The following QKI variants were observed in gnomAD, a reference collection of about 807,000 sequenced individuals.
QKI encodes QKI, KH domain containing RNA binding, also known as KH domain-containing RNA-binding protein QKI.
Under a neutral mutation model 39.0 loss-of-function variants are expected in QKI, and 10 were observed. The observed-to-expected ratio is 0.26, with a 90% CI of 0.16 to 0.43. QKI has a LOEUF of 0.43. Among genes scored for constraint, QKI ranks in the 20% least tolerant of loss-of-function variants. The pLI is 1.00. For missense variants in QKI, 218 were observed against 428.0 expected (o/e 0.51, Z 4.33); for synonymous variants, 204 against 155.4 (o/e 1.31, Z -2.33).
intron 2 of QKI, among the ~76,000 whole-genome samples, chr6:163,475,104 T>A (rs1792488481): frequency 6.6e-6 from 1 of 152,124 alleles, no homozygotes; most frequent in Non-Finnish European, 1.5e-5. Flanking sequence ...AAGCCACTCT[T>A]GAGGAAGAGC....
At chr6:163,463,665 A>G (rs868678738) in intron 2 of QKI, among the ~76,000 whole-genome samples, 1 of 152,216 alleles carries the variant, frequency 6.6e-6, no homozygotes, top group African/African-American at 2.4e-5. Flanking sequence ...CGTGAGGAAG[A>G]TAGATTATCA....
At chr6:163,477,998 T>C (rs575306623) in intron 2 of QKI, among the ~76,000 whole-genome samples, 1 of 152,366 alleles carries the variant, frequency 6.6e-6, no homozygotes, top group Non-Finnish European at 1.5e-5. Flanking sequence ...CAAACTCTTA[T>C]ATTTTGGCCT....
At chr6:163,553,249 G>A (rs1411143818) in intron 4 of QKI, among the ~76,000 whole-genome samples, 5 of 151,770 alleles carry the variant, frequency 3.3e-5, no homozygotes, top group East Asian at 1.9e-4. Flanking sequence ...GATTACAGGC[G>A]TGCACCACCA....
intron 3 of QKI, among the ~76,000 whole-genome samples, chr6:163,486,597 A>G (rs1302264277): frequency 1.3e-5 from 2 of 152,192 alleles, no homozygotes; most frequent in African/African-American, 4.8e-5. Context: ...CTTAAAATAT[A>G]TTTTAATTGG....
chr6:163,472,064 C>A (rs1391554390), intron 2 of QKI, among the ~76,000 whole-genome samples: 1 of 152,062 alleles, frequency 6.6e-6, no homozygotes, highest in Non-Finnish European at 1.5e-5. Flanking sequence ...GGCACTGACT[C>A]CCTTTGCGGT....
rs551849808 is a variant in QKI, at chr6:163,576,780, C to T, written c.*6070C>T. The T allele has an allele frequency of 2.0e-5, 3 of 152,066 alleles. No individual in the cohort carries two copies. The allele number at this position is 152,066 out of a possible 1,614,324, so 9.4% of individuals were successfully genotyped here. On this transcript the variant is annotated 3_prime_UTR_variant, in exon 8 of 8. Transcript: ENST00000361752. Reference sequence around the variant, plus strand: ...TATGAGAATAAAGAACGCACACTTTCAATTTTATTGAGGCTTTCAACACTA... The same window carrying T: ...TATGAGAATAAAGAACGCACACTTTTAATTTTATTGAGGCTTTCAACACTA...
intron 1 of QKI, among the ~76,000 whole-genome samples, chr6:163,421,228 AG>A (rs1387582560): frequency 1.3e-5 from 2 of 152,250 alleles, no homozygotes. Context: ...TGTTATTTGT[AG>A]TACTTGCTGC....
intron 3 of QKI, among the ~76,000 whole-genome samples, chr6:163,527,787 G>C (rs1780607345): frequency 6.6e-6 from 1 of 152,024 alleles, no homozygotes; most frequent in Admixed American, 6.6e-5. Context: ...ATTGAAAAGT[G>C]GTAAAATTTA....
intron 1 of QKI, among the ~76,000 whole-genome samples, chr6:163,428,453 G>T (rs964930192): frequency 6.6e-6 from 1 of 152,096 alleles, no homozygotes; most frequent in African/African-American, 2.4e-5. Flanking sequence ...AGAAGAAAAT[G>T]TGTCATAGTT....
chr6:163,432,418 A>G (rs1788906136), intron 1 of QKI, among the ~76,000 whole-genome samples: 3 of 146,172 alleles, frequency 2.1e-5, no homozygotes, highest in Non-Finnish European at 3.0e-5. Flanking sequence ...TTTTAAAGAG[A>G]TGGGGTTTCA....
At chr6:163,456,708 CAAAT>C (rs1376151591) in intron 2 of QKI, among the ~76,000 whole-genome samples, 1 of 151,906 alleles carries the variant, frequency 6.6e-6, no homozygotes, top group East Asian at 1.9e-4. Context: ...TGCAAATACA[CAAAT>C]AGTCTTGGAT....
intron 1 of QKI, among the ~76,000 whole-genome samples, chr6:163,433,740 C>A (rs767735242): frequency 2.0e-5 from 3 of 152,118 alleles, no homozygotes; most frequent in African/African-American, 7.2e-5. Flanking sequence ...GCACTCCAGC[C>A]TGGGCAACAG....
In QKI at chr6:163,578,327, G is replaced by A. The variant is rs1303927316; in HGVS notation, c.*7617G>A. 1 of 152,150 alleles carries A rather than the reference G, an allele frequency of 6.6e-6. No homozygotes were observed. Among genetic ancestry groups the A allele is most frequent in the East Asian group, 1.9e-4 (1 of 5,198 alleles). 9.4% of individuals were successfully genotyped at this position (152,150 alleles called of 1,614,324 possible). A position where few individuals can be genotyped will look rare whatever the true frequency, so the allele number is the denominator to read the frequency against. ...CAGAACTATTTGAGTTGATACTAAA[G>A]ATTTTATGTTCACTCCTTTACCTTA... On this transcript the variant is annotated 3_prime_UTR_variant, in exon 8 of 8. Coordinates refer to ENST00000361752, the MANE Select transcript of QKI (RefSeq NM_006775.3).
intron 3 of QKI, among the ~76,000 whole-genome samples, chr6:163,507,978 AAAAG>A (rs1779204904): frequency 1.3e-5 from 2 of 152,198 alleles, no homozygotes; most frequent in East Asian, 3.8e-4. Context: ...TAGAAGCAAA[AAAAG>A]GAACCAATGG....
chr6:163,439,353 TTC>T lies in QKI; in HGVS notation c.143-15925_143-15924del, dbSNP rs1789564796. ...TGGTTTTTTTTTGTTTTTTTTTTTT[TTC>T]GGGGGGGTGGGGGACGGAGTCTCAC... On this transcript the variant is annotated intron_variant, in intron 1 of 7. Coordinates refer to ENST00000361752, the MANE Select transcript of QKI (RefSeq NM_006775.3). 3.4e-4 allele frequency among the ~76,000 whole-genome samples: 49 copies of T among 145,478 alleles called. 1 individual carries two copies. Among genetic ancestry groups the T allele is most frequent in the African/African-American group, 1.3e-3 (47 of 37,544 alleles).
At chr6:163,450,466 AGCTGAG>A (rs1790476018) in intron 1 of QKI, among the ~76,000 whole-genome samples, 1 of 152,222 alleles carries the variant, frequency 6.6e-6, no homozygotes, top group African/African-American at 2.4e-5. Context: ...GACAAACATG[AGCTGAG>A]GCTGTTGAAA....
chr6:163,502,227 G>T (rs1326093317), intron 3 of QKI, among the ~76,000 whole-genome samples: 3 of 152,084 alleles, frequency 2.0e-5, no homozygotes, highest in Non-Finnish European at 4.4e-5. Flanking sequence ...GGAGGCTGAG[G>T]TGGGAGGATC....
At position 163,551,358 on chromosome 6, in the gene QKI, G is replaced by A. The variant is rs117100777; in HGVS notation, c.547-10624G>A. Among the ~76,000 whole-genome samples, 1,341 of 152,304 alleles carry A rather than the reference G, an allele frequency of 8.8e-3. 16 individuals carry two copies. The highest frequency in any genetic ancestry group is 0.017 in the Middle Eastern group (5 of 294). On this transcript the variant is annotated intron_variant, in intron 4 of 7. Coordinates refer to ENST00000361752, the MANE Select transcript of QKI (RefSeq NM_006775.3). The stretch of plus-strand genomic sequence containing the variant: ...GTTGAGGGCTCCAGTTCCACAAGAT[G>A]TCTCCCACTTCAGGCACCAGTCACA...
chr6:163,417,224 A>T (rs1458647768), intron 1 of QKI, among the ~76,000 whole-genome samples: 2 of 152,098 alleles, frequency 1.3e-5, no homozygotes, highest in East Asian at 3.9e-4. Flanking sequence ...TTAAAGTTTT[A>T]GTAGTATTAG....
Sources: gnomAD v4.1 joint callset for allele counts (sites outside exome capture counted in the v4.1 genomes callset) on GRCh38, gnomAD v4.1.1 for gene constraint, MANE v1.5 for transcripts, NCBI Gene and HGNC (gene_info 2026-07-23, HGNC 2026-07-21) for gene names.